The following SLC9C1 variants were observed in gnomAD, a reference collection of about 807,000 sequenced individuals.
SLC9C1 encodes the protein solute carrier family 9 member C1, also known as sodium/hydrogen exchanger 10.
A neutral mutation model predicts 140.9 loss-of-function variants in SLC9C1; 97 were observed. The observed-to-expected ratio is 0.69, with a 90% confidence interval of 0.58 to 0.82. SLC9C1 has a LOEUF of 0.82. SLC9C1 is among the 40% of genes least tolerant of loss of function. The probability of loss-of-function intolerance (pLI) is 0.00; values close to 1 mark genes in which losing one functional copy is unlikely to be tolerated. For synonymous variants in SLC9C1, 440 were observed against 442.6 expected, an observed-to-expected ratio of 0.99 and a Z score of 0.07; for missense variants, 1,340 against 1,389.3, an observed-to-expected ratio of 0.96 and a Z score of 0.56.
chr3:112,173,264 C>T (rs187666409), intron 23 of SLC9C1, among the ~76,000 whole-genome samples: 69 of 152,162 alleles, frequency 4.5e-4, no homozygotes, highest in African/African-American at 1.5e-3. Context: ...TAAATTTTGA[C>T]GTGTGTGCTT....
At chr3:112,246,371 A>T (rs761045016) in intron 10 of SLC9C1, among the ~76,000 whole-genome samples, 1 of 152,156 alleles carries the variant, frequency 6.6e-6, no homozygotes, top group Non-Finnish European at 1.5e-5. Context: ...TCCATTAAAA[A>T]CTATATTAAA....
chr3:112,183,103 G>A (rs2077468633), intron 20 of SLC9C1, among the ~76,000 whole-genome samples: 1 of 152,000 alleles, frequency 6.6e-6, no homozygotes, highest in Non-Finnish European at 1.5e-5. Flanking sequence ...TGAGTATATG[G>A]TTATCTAATC....
chr3:112,215,285 T>C (rs1327734724), intron 15 of SLC9C1, among the ~76,000 whole-genome samples: 1 of 152,190 alleles, frequency 6.6e-6, no homozygotes, highest in Non-Finnish European at 1.5e-5. Context: ...AGCATTCCCT[T>C]TGAAAACTGG....
At chr3:112,269,378 A>T (rs2080009614) in intron 7 of SLC9C1, among the ~76,000 whole-genome samples, 2 of 152,198 alleles carry the variant, frequency 1.3e-5, no homozygotes, top group South Asian at 4.1e-4. Flanking sequence ...CCAAGGTGCT[A>T]GGATTATAGG....
At chr3:112,233,873 T>C (rs1346109115) in intron 12 of SLC9C1, among the ~76,000 whole-genome samples, 1 of 152,150 alleles carries the variant, frequency 6.6e-6, no homozygotes, top group African/African-American at 2.4e-5. Flanking sequence ...CTTAATCCAG[T>C]CTATCATTGT....
At chr3:112,212,771 G>T (rs1161831892) in intron 15 of SLC9C1, among the ~76,000 whole-genome samples, 1 of 152,180 alleles carries the variant, frequency 6.6e-6, no homozygotes, top group Non-Finnish European at 1.5e-5. Context: ...AATCAAGTTG[G>T]AAAACACTCT....
rs546723438 is a variant in SLC9C1 at position 112,150,537 on chromosome 3, A to G, written c.3524+1320T>C. On this transcript the variant is annotated intron_variant, in intron 28 of 28. Transcript: ENST00000305815. ...CCCTCATGATTCCAGTGGGATTCCC[A>G]TCTTCCTTCTTGAATTGTAGCTCAC... Among the ~76,000 whole-genome samples the G allele has an allele frequency of 1.0e-3, 154 of 152,000 alleles. 1 individual carries two copies. The highest frequency in any genetic ancestry group is 2.8e-3 in the Admixed American group (43 of 15,260).
chr3:112,197,498 A>G (rs890309730), intron 20 of SLC9C1, among the ~76,000 whole-genome samples: 1 of 152,238 alleles, frequency 6.6e-6, no homozygotes, highest in South Asian at 2.1e-4. Flanking sequence ...ACACATGCAT[A>G]GCTGCCTGCC....
chr3:112,280,651 A>C, intron 3 of SLC9C1, 32 bp downstream of exon 3: 1 of 1,535,126 alleles, frequency 6.5e-7, no homozygotes, highest in South Asian at 1.2e-5. Flanking sequence ...TTCTCAAATA[A>C]ATAGTGTAAA....
chr3:112,145,937 A>T (rs1346223781), intron 28 of SLC9C1, among the ~76,000 whole-genome samples: 1 of 152,124 alleles, frequency 6.6e-6, no homozygotes, highest in Non-Finnish European at 1.5e-5. Context: ...ACTATATGAG[A>T]TGTGTCTTTC....
intron 10 of SLC9C1, among the ~76,000 whole-genome samples, chr3:112,260,427 T>C (rs964926010): frequency 2.6e-5 from 4 of 152,134 alleles, no homozygotes; most frequent in African/African-American, 9.7e-5. Context: ...CTTTGGGTCG[T>C]TTCTATTGAA....
intron 13 of SLC9C1, among the ~76,000 whole-genome samples, chr3:112,226,198 T>C (rs997280260): frequency 1.3e-5 from 2 of 152,186 alleles, no homozygotes; most frequent in African/African-American, 4.8e-5. Flanking sequence ...GTATCTTTTC[T>C]GACCACAATG....
intron 10 of SLC9C1, among the ~76,000 whole-genome samples, chr3:112,255,846 TAATA>T (rs1243124036): frequency 2.0e-5 from 3 of 152,032 alleles, no homozygotes; most frequent in Non-Finnish European, 4.4e-5. Flanking sequence ...CTAGCTAGAC[TAATA>T]AAGAAGAGAA....
chr3:112,235,388 G>T (rs1466650173), intron 12 of SLC9C1, among the ~76,000 whole-genome samples: 1 of 150,584 alleles, frequency 6.6e-6, no homozygotes, highest in African/African-American at 2.5e-5. Flanking sequence ...AGACGATGGG[G>T]TTTTCTAAAT....
At chr3:112,243,973 A>G (rs1453420057) in intron 11 of SLC9C1, 22 bp downstream of exon 11, 27 of 1,483,630 alleles carry the variant, frequency 1.8e-5, no homozygotes, top group Non-Finnish European at 2.5e-5. Flanking sequence ...TCTCCACAGG[A>G]ATAGTAACTG....
At chr3:112,155,454 T>C (rs1306523087) in intron 26 of SLC9C1, among the ~76,000 whole-genome samples, 1 of 152,116 alleles carries the variant, frequency 6.6e-6, no homozygotes, top group African/African-American at 2.4e-5. Context: ...CAAAGAAATA[T>C]GACGTGGTAA....
At chr3:112,204,061 G>A (rs1171203493) in intron 17 of SLC9C1, among the ~76,000 whole-genome samples, 157 bp downstream of exon 17, 1 of 151,886 alleles carries the variant, frequency 6.6e-6, no homozygotes, top group Non-Finnish European at 1.5e-5. Context: ...AATATGAAAT[G>A]TTATGAAACT....
chr3:112,286,725 A>G lies in SLC9C1; in HGVS notation c.67T>C (p.Ser23Pro), dbSNP rs148114043. ...EDLPEVILTL[S>P]LISSIGAFLN... is the part of the protein sequence containing the mutation. Reference sequence around the variant, plus strand: ...TTACCTCCAATGGAGCTGATCAAAGACAATGTTAGAATGACTTCAGGGAGG... The same window carrying G: ...TTACCTCCAATGGAGCTGATCAAAGGCAATGTTAGAATGACTTCAGGGAGG... Residue 23 changes from serine to proline, a missense_variant, in exon 2 of 29, where the codon TCT becomes CCT. Transcript: ENST00000305815. 58 of 1,612,902 alleles carry G rather than the reference A, an allele frequency of 3.6e-5. No individual in the cohort carries two copies. Among genetic ancestry groups the G allele is most frequent in the Non-Finnish European group, 4.7e-5 (55 of 1,179,564 alleles).
Position 112,231,481 on chromosome 3 carries a change from G to A in SLC9C1, c.1452C>T (p.Asn484=), listed in dbSNP as rs760675393. ...AITLENPYML[N]EEETTEHQKV... ...TCTGATGTTCTGTTGTTTCTTCTTCGTTCAACTAAATAAAACATAAATAAA... is the reference window on the plus strand; with the variant it reads ...TCTGATGTTCTGTTGTTTCTTCTTCATTCAACTAAATAAAACATAAATAAA... The change falls in exon 13 of 29, where the codon AAC becomes AAT. Residue 484 remains asparagine (N), a synonymous_variant. Coordinates refer to ENST00000305815, the MANE Select transcript of SLC9C1 (RefSeq NM_183061.3). 7.5e-6 allele frequency: 12 copies of A among 1,607,138 alleles called. No individual in the cohort carries two copies. The highest frequency in any genetic ancestry group is 5.5e-5 in the South Asian group (5 of 90,182).
Sources: gnomAD v4.1 joint callset for allele counts (sites outside exome capture counted in the v4.1 genomes callset) on GRCh38, gnomAD v4.1.1 for gene constraint, MANE v1.5 for transcripts, NCBI Gene and HGNC (gene_info 2026-07-23, HGNC 2026-07-21) for gene names.